The following ANKRD44 variants were observed in gnomAD, a reference collection of about 807,000 sequenced individuals.
ANKRD44 encodes the protein ankyrin repeat domain 44.
In ANKRD44, 35 loss-of-function variants were observed where a neutral mutation model predicts 116.0. That is an observed-to-expected ratio of 0.30 (90% CI 0.23 to 0.40). The LOEUF is 0.40. Among genes scored for constraint, ANKRD44 ranks in the 10% least tolerant of loss-of-function variants. The probability of loss-of-function intolerance (pLI) is 1.00; values close to 1 mark genes in which losing one functional copy is unlikely to be tolerated. For synonymous variants in ANKRD44, 435 were observed against 461.8 expected (o/e 0.94, Z 0.74); for missense variants, 1,014 against 1,242.6 (o/e 0.82, Z 2.77).
chr2:197,088,085 T>C (rs1298886284), intron 12 of ANKRD44, among the ~76,000 whole-genome samples: 1 of 152,182 alleles, frequency 6.6e-6, no homozygotes, highest in Non-Finnish European at 1.5e-5. Flanking sequence ...AGAGATGCCA[T>C]GTTTAGTCAA....
chr2:197,252,894 A>G (rs372375379), intron 1 of ANKRD44, among the ~76,000 whole-genome samples: 1 of 152,214 alleles, frequency 6.6e-6, no homozygotes, highest in Non-Finnish European at 1.5e-5. Context: ...TACCTAAAAA[A>G]GAGTAGAGGC....
At chr2:197,082,766 A>G (rs2077827948) in intron 14 of ANKRD44, among the ~76,000 whole-genome samples, 1 of 152,198 alleles carries the variant, frequency 6.6e-6, no homozygotes, top group Non-Finnish European at 1.5e-5. Context: ...TTAAGCTTCT[A>G]AGAACAATTT....
intron 1 of ANKRD44, chr2:197,302,419 A>G (rs552912154): frequency 6.6e-6 from 1 of 152,386 alleles, no homozygotes; most frequent in African/African-American, 2.4e-5. Flanking sequence ...CAAAAAGATG[A>G]CACAGTACTA....
At chr2:197,088,656 GTC>G in intron 12 of ANKRD44, 53 bp downstream of exon 12, 1 of 870,036 alleles carries the variant, frequency 1.1e-6, no homozygotes, top group Non-Finnish European at 1.7e-6. Context: ...CTTAAGTCAA[GTC>G]AATAAAGATG....
chr2:197,115,295 A>G (rs1352855146), intron 8 of ANKRD44, among the ~76,000 whole-genome samples: 3 of 152,242 alleles, frequency 2.0e-5, no homozygotes, highest in African/African-American at 7.2e-5. Flanking sequence ...AATGCTTGCT[A>G]AAAGAGCCTT....
intron 2 of ANKRD44, among the ~76,000 whole-genome samples, chr2:197,167,882 A>C (rs2080134383): frequency 6.6e-6 from 1 of 152,218 alleles, no homozygotes; most frequent in Admixed American, 6.5e-5. Flanking sequence ...ACTATCCCAG[A>C]GGCAGCATGT....
chr2:197,025,690 G>A (rs953462134), intron 16 of ANKRD44, among the ~76,000 whole-genome samples: 1 of 152,228 alleles, frequency 6.6e-6, no homozygotes. Context: ...GTGCTGTAAT[G>A]AGAATAAAAT....
At chr2:197,070,205 T>A (rs534025529) in intron 16 of ANKRD44, among the ~76,000 whole-genome samples, 1 of 152,182 alleles carries the variant, frequency 6.6e-6, no homozygotes, top group South Asian at 2.1e-4. Flanking sequence ...GTTTTGTTTA[T>A]TCCTTTCTGA....
chr2:197,307,551 GAA>G (rs3060107), intron 1 of ANKRD44, among the ~76,000 whole-genome samples: 3 of 133,866 alleles, frequency 2.2e-5, no homozygotes, highest in Admixed American at 1.5e-4. Flanking sequence ...TTTTTACAGT[GAA>G]AAAAAAAAAA....
At chr2:197,042,805 G>A (rs2076935239) in intron 16 of ANKRD44, among the ~76,000 whole-genome samples, 1 of 152,002 alleles carries the variant, frequency 6.6e-6, no homozygotes, top group Non-Finnish European at 1.5e-5. Context: ...CAGCCAGTGA[G>A]GCATTTTCAG....
chr2:197,175,833 C>T (rs1308686941), intron 2 of ANKRD44, among the ~76,000 whole-genome samples: 1 of 152,170 alleles, frequency 6.6e-6, no homozygotes, highest in East Asian at 1.9e-4. Flanking sequence ...GTACTCAGAG[C>T]ATTTCCTAGG....
intron 16 of ANKRD44, among the ~76,000 whole-genome samples, chr2:197,045,475 T>C (rs936683222): frequency 1.3e-5 from 2 of 151,092 alleles, no homozygotes; most frequent in Admixed American, 1.3e-4. Flanking sequence ...TAAAAGCTCC[T>C]AAATTTCCAC....
At chr2:197,277,383 T>C (rs141045730) in intron 1 of ANKRD44, among the ~76,000 whole-genome samples, 2 of 151,946 alleles carry the variant, frequency 1.3e-5, no homozygotes, top group Non-Finnish European at 2.9e-5. Flanking sequence ...ACCAGTGAAG[T>C]GCTATGGGAA....
At chr2:196,976,917 G>C (rs922631243) in intron 21 of ANKRD44, among the ~76,000 whole-genome samples, 3 of 149,842 alleles carry the variant, frequency 2.0e-5, no homozygotes, top group Non-Finnish European at 4.4e-5. Context: ...GGGAGGGAGG[G>C]AGGGCTCTAA....
At chr2:197,283,561 G>A (rs889450693) in intron 1 of ANKRD44, among the ~76,000 whole-genome samples, 6 of 152,080 alleles carry the variant, frequency 3.9e-5, no homozygotes, top group African/African-American at 1.2e-4. Context: ...AATATTTAAT[G>A]TTTCCTTATA....
chr2:197,011,937 C>A (rs1382586515), intron 18 of ANKRD44, among the ~76,000 whole-genome samples: 1 of 152,226 alleles, frequency 6.6e-6, no homozygotes, highest in Non-Finnish European at 1.5e-5. Flanking sequence ...AGCTCAGCCT[C>A]TTCCTATGAG....
At chr2:197,276,908 TG>T (rs1436409672) in intron 1 of ANKRD44, among the ~76,000 whole-genome samples, 1 of 150,694 alleles carries the variant, frequency 6.6e-6, no homozygotes, top group East Asian at 2.0e-4. Flanking sequence ...GGATGCTCTC[TG>T]GGGCTAGAAC....
intron 13 of ANKRD44, among the ~76,000 whole-genome samples, chr2:197,085,827 T>G (rs1424243269): frequency 6.6e-6 from 1 of 152,184 alleles, no homozygotes; most frequent in Non-Finnish European, 1.5e-5. Flanking sequence ...CTTTACTCTA[T>G]GGACTCGCCC....
At chr2:197,292,159 G>A (rs184494324) in intron 1 of ANKRD44, among the ~76,000 whole-genome samples, 5 of 152,310 alleles carry the variant, frequency 3.3e-5, no homozygotes, top group African/African-American at 1.2e-4. Flanking sequence ...CTTTATAGTA[G>A]AATGATTCAT....
Sources: allele counts gnomAD v4.1 joint callset (sites outside exome capture counted in the v4.1 genomes callset), GRCh38; gene constraint gnomAD v4.1.1; transcripts MANE v1.5; gene names NCBI Gene and HGNC (gene_info 2026-07-23, HGNC 2026-07-21).